Variants in FAF1 observed in about 807,000 individuals in gnomAD.
The protein encoded by FAF1 is Fas associated factor 1.
A neutral mutation model predicts 92.5 loss-of-function variants in FAF1; 25 were observed. The observed-to-expected ratio is 0.27, with a 90% CI of 0.20 to 0.38. FAF1 has a LOEUF of 0.38. Ranked by LOEUF, FAF1 falls within the 10% of genes least tolerant of loss-of-function variation. FAF1 has a pLI of 1.00. For missense variants in FAF1, 636 were observed against 793.3 expected, an observed-to-expected ratio of 0.80 and a Z score of 2.38; for synonymous variants, 234 against 273.2, an observed-to-expected ratio of 0.86 and a Z score of 1.42.
At chr1:50,750,622 CTTTTTTTTTTTT>C (rs200229291) in intron 4 of FAF1, among the ~76,000 whole-genome samples, 3 of 133,766 alleles carry the variant, frequency 2.2e-5, no homozygotes, top group Non-Finnish European at 4.9e-5. Context: ...TTTTTCTTTT[CTTTTTTTTTTTT>C]TTTTCATTTG....
chr1:50,570,177 C>G (rs1040196987), intron 12 of FAF1, among the ~76,000 whole-genome samples: 1 of 152,164 alleles, frequency 6.6e-6, no homozygotes. Flanking sequence ...ACCACTTATT[C>G]ATTTGGGCCA....
intron 1 of FAF1, among the ~76,000 whole-genome samples, chr1:50,896,299 A>G (rs1644757634): frequency 6.6e-6 from 1 of 152,118 alleles, no homozygotes; most frequent in Non-Finnish European, 1.5e-5. Flanking sequence ...AAAAGAGTAT[A>G]TGGATTGTTT....
At chr1:50,922,742 C>T (rs1570144529) in intron 1 of FAF1, among the ~76,000 whole-genome samples, 1 of 148,550 alleles carries the variant, frequency 6.7e-6, no homozygotes, top group Admixed American at 6.7e-5. Flanking sequence ...TCACTTGAAC[C>T]CAGGAGATGG....
intron 7 of FAF1, among the ~76,000 whole-genome samples, chr1:50,684,257 C>CTTTTT (rs756495229): frequency 8.7e-6 from 1 of 114,430 alleles, no homozygotes; most frequent in African/African-American, 3.3e-5. Context: ...TTCCAACAGA[C>CTTTTT]TTTTTTTTTT....
chr1:50,450,716 G>C (rs1324156998), intron 18 of FAF1, among the ~76,000 whole-genome samples: 1 of 152,100 alleles, frequency 6.6e-6, no homozygotes, highest in Non-Finnish European at 1.5e-5. Flanking sequence ...TATCAGAGGG[G>C]GAACTTAGGG....
chr1:50,779,991 G>GACAGACACACACACACACACACAC (rs369288416), intron 4 of FAF1, among the ~76,000 whole-genome samples: 133 of 145,518 alleles, frequency 9.1e-4, no homozygotes, highest in Middle Eastern at 3.4e-3. Context: ...CAGACAGACA[G>GACAGACACACACACACACACACAC]ACACACACAC....
At chr1:50,848,503 T>G (rs1355132296) in intron 2 of FAF1, among the ~76,000 whole-genome samples, 1 of 152,218 alleles carries the variant, frequency 6.6e-6, no homozygotes, top group East Asian at 1.9e-4. Context: ...AACAGGATAT[T>G]TGCATAGTCT....
intron 18 of FAF1, among the ~76,000 whole-genome samples, chr1:50,449,934 C>T (rs1646274750): frequency 6.6e-6 from 1 of 151,864 alleles, no homozygotes; most frequent in African/African-American, 2.4e-5. Context: ...GTGGCTCATG[C>T]CTGTAATCCC....
intron 8 of FAF1, among the ~76,000 whole-genome samples, chr1:50,602,214 G>A (rs181939823): frequency 6.6e-6 from 1 of 152,202 alleles, no homozygotes; most frequent in Non-Finnish European, 1.5e-5. Flanking sequence ...CAATTCTCTT[G>A]TGTTTTAAGA....
intron 18 of FAF1, among the ~76,000 whole-genome samples, chr1:50,444,134 G>A (rs1361910453): frequency 6.6e-6 from 1 of 152,176 alleles, no homozygotes; most frequent in Non-Finnish European, 1.5e-5. Flanking sequence ...CATTTGCCTG[G>A]CTTGGACAAA....
rs372320897 is a variant in FAF1, at chr1:50,624,335, A to T, written c.745-28119T>A. Among the ~76,000 whole-genome samples, 4 of 152,104 alleles carry T rather than the reference A, an allele frequency of 2.6e-5. No homozygotes were observed. In the East Asian group the frequency reaches 5.8e-4, roughly 22 times the overall value. ...GCTAATTTTTTGTATTTTTTAGTAGAGATAGGGTTTCACTGTGCTGGCCAG... is the reference window on the plus strand; with the variant it reads ...GCTAATTTTTTGTATTTTTTAGTAGTGATAGGGTTTCACTGTGCTGGCCAG... On this transcript the variant is annotated intron_variant, in intron 8 of 18. Coordinates refer to ENST00000396153, the MANE Select transcript of FAF1 (RefSeq NM_007051.3).
chr1:50,600,914 A>G (rs1652089313), intron 8 of FAF1, among the ~76,000 whole-genome samples: 1 of 152,182 alleles, frequency 6.6e-6, no homozygotes, highest in Admixed American at 6.5e-5. Flanking sequence ...TTTCTTCAAT[A>G]TTAATTTTTA....
At chr1:50,762,369 T>C (rs371097004) in intron 4 of FAF1, among the ~76,000 whole-genome samples, 12,846 of 151,114 alleles carry the variant, frequency 0.085, 552 homozygotes, top group African/African-American at 0.096. Flanking sequence ...CAAAAAAGAG[T>C]CTGCATCGCC....
intron 7 of FAF1, among the ~76,000 whole-genome samples, chr1:50,684,257 CTTT>C (rs756495229): frequency 9.6e-5 from 11 of 114,418 alleles, no homozygotes; most frequent in South Asian, 2.9e-4. Context: ...TTCCAACAGA[CTTT>C]TTTTTTTTTT....
chr1:50,869,378 G>C (rs188764390), intron 1 of FAF1, among the ~76,000 whole-genome samples: 1 of 152,192 alleles, frequency 6.6e-6, no homozygotes, highest in African/African-American at 2.4e-5. Context: ...GGTTGGGCTT[G>C]AGTCTGCCAC....
intron 6 of FAF1, among the ~76,000 whole-genome samples, chr1:50,718,051 G>A (rs769695109): frequency 4.1e-4 from 61 of 149,118 alleles, no homozygotes; most frequent in Non-Finnish European, 6.4e-4. Flanking sequence ...ACGGAGTCTC[G>A]CTTTGTCACC....
chr1:50,838,922 C>T (rs1348511394), intron 2 of FAF1, among the ~76,000 whole-genome samples: 1 of 152,008 alleles, frequency 6.6e-6, no homozygotes, highest in Non-Finnish European at 1.5e-5. Flanking sequence ...ATATATGTTT[C>T]CAGTATTCAC....
chr1:50,503,483 T>C (rs1647016737), intron 15 of FAF1, among the ~76,000 whole-genome samples: 1 of 151,834 alleles, frequency 6.6e-6, no homozygotes, highest in African/African-American at 2.4e-5. Context: ...TAGCTGGGTG[T>C]AGTAGTGTGT....
chr1:50,744,298 T>C (rs1659505344), intron 5 of FAF1, among the ~76,000 whole-genome samples: 1 of 152,204 alleles, frequency 6.6e-6, no homozygotes, highest in Non-Finnish European at 1.5e-5. Flanking sequence ...TTGACATAAA[T>C]GTATACGCTG....
Sources: allele counts gnomAD v4.1 joint callset (sites outside exome capture counted in the v4.1 genomes callset), GRCh38; gene constraint gnomAD v4.1.1; transcripts MANE v1.5; gene names NCBI Gene and HGNC (gene_info 2026-07-23, HGNC 2026-07-21).